Variants in GRID1 observed in about 807,000 individuals in gnomAD.
The protein encoded by GRID1 is glutamate ionotropic receptor delta type subunit 1.
In GRID1, 28 loss-of-function variants were observed where a neutral mutation model predicts 98.0. That is an observed-to-expected ratio of 0.29 (90% CI 0.21 to 0.39). The LOEUF is 0.39. GRID1 is among the 10% of genes least tolerant of loss of function. The pLI, the probability that GRID1 is intolerant of heterozygous loss-of-function variation, is 1.00. For missense variants in GRID1, 1,111 were observed against 1,340.5 expected, an observed-to-expected ratio of 0.83 and a Z score of 2.67; for synonymous variants, 553 against 538.5, an observed-to-expected ratio of 1.03 and a Z score of -0.37.
At position 85,778,495 on chromosome 10, in the gene GRID1, G is replaced by A. The variant is rs549906984; in HGVS notation, c.1234-48881C>T. ...TCCCTTTTCTGCTCATCATTATAGC[G>A]CCCCAGGATAGTGTGATAAGCAAAA... On this transcript the variant is annotated intron_variant, in intron 8 of 15. Transcript: ENST00000327946. 6.6e-5 allele frequency among the ~76,000 whole-genome samples: 10 copies of A among 152,234 alleles called. No individual in the cohort carries two copies. In the South Asian group the frequency reaches 1.7e-3, roughly 25 times the overall value.
chr10:85,816,554 CA>C (rs1479905749), intron 8 of GRID1, among the ~76,000 whole-genome samples: 1 of 152,098 alleles, frequency 6.6e-6, no homozygotes, highest in African/African-American at 2.4e-5. Flanking sequence ...AGAAGCCACA[CA>C]AGACAATTTT....
intron 4 of GRID1, among the ~76,000 whole-genome samples, chr10:86,017,795 G>A (rs1842998714): frequency 6.6e-6 from 1 of 152,212 alleles, no homozygotes; most frequent in East Asian, 1.9e-4. Flanking sequence ...AGCAGGTGTG[G>A]GGATTCCAAG....
intron 3 of GRID1, among the ~76,000 whole-genome samples, chr10:86,179,179 C>T (rs1175975620): frequency 6.7e-6 from 1 of 148,472 alleles, no homozygotes; most frequent in East Asian, 2.0e-4. Flanking sequence ...GCCCACAGCA[C>T]ACACATTCCC....
intron 4 of GRID1, among the ~76,000 whole-genome samples, chr10:85,991,937 T>C (rs1017323610): frequency 1.8e-4 from 27 of 152,000 alleles, no homozygotes; most frequent in African/African-American, 6.3e-4. Context: ...CAGGAGTGGA[T>C]AGGAAGAGAT....
intron 2 of GRID1, among the ~76,000 whole-genome samples, chr10:86,308,826 C>T (rs1253485097): frequency 5.9e-5 from 9 of 152,118 alleles, no homozygotes; most frequent in African/African-American, 1.2e-4. Context: ...ACGAGAGGGC[C>T]TACCTCACTT....
intron 2 of GRID1, among the ~76,000 whole-genome samples, chr10:86,323,918 C>T (rs1254371085): frequency 5.9e-5 from 9 of 152,192 alleles, no homozygotes; most frequent in African/African-American, 2.2e-4. Flanking sequence ...GTGGCTCACA[C>T]CTGTAATCCC....
chr10:86,224,445 T>G (rs1397576624), intron 2 of GRID1, among the ~76,000 whole-genome samples: 1 of 152,118 alleles, frequency 6.6e-6, no homozygotes, highest in Admixed American at 6.5e-5. Flanking sequence ...GTCCCAGGCA[T>G]GAGGATGCTG....
intron 2 of GRID1, among the ~76,000 whole-genome samples, chr10:86,211,592 G>C (rs1846108829): frequency 6.6e-6 from 1 of 152,114 alleles, no homozygotes; most frequent in Non-Finnish European, 1.5e-5. Flanking sequence ...ACCCATCCAG[G>C]CTTTTCCAGA....
chr10:85,915,954 T>A (rs1007139734), intron 5 of GRID1, among the ~76,000 whole-genome samples: 5 of 152,160 alleles, frequency 3.3e-5, no homozygotes, highest in Non-Finnish European at 7.3e-5. Context: ...GCCCTCTGAC[T>A]TTTGACTTCC....
intron 3 of GRID1, among the ~76,000 whole-genome samples, chr10:86,180,979 G>A (rs1436891677): frequency 6.6e-6 from 1 of 152,158 alleles, no homozygotes; most frequent in Non-Finnish European, 1.5e-5. Context: ...GCAAGTGAGG[G>A]TCCTCGCTTG....
At chr10:85,697,830 A>C (rs1841410524) in intron 12 of GRID1, among the ~76,000 whole-genome samples, 1 of 152,216 alleles carries the variant, frequency 6.6e-6, no homozygotes, top group Admixed American at 6.5e-5. Flanking sequence ...ATGTGGATTA[A>C]AAACACTTAG....
intron 5 of GRID1, among the ~76,000 whole-genome samples, chr10:85,896,931 T>A (rs1461714507): frequency 6.6e-6 from 1 of 152,180 alleles, no homozygotes; most frequent in East Asian, 1.9e-4. Flanking sequence ...GGAGAAGATT[T>A]GCATAAATTA....
chr10:86,026,451 G>A (rs1425386189), intron 4 of GRID1, among the ~76,000 whole-genome samples: 1 of 152,176 alleles, frequency 6.6e-6, no homozygotes, highest in Non-Finnish European at 1.5e-5. Context: ...AGTTTCAGAG[G>A]AACGGAGGAT....
At chr10:85,962,021 GA>G (rs1842274529) in intron 4 of GRID1, among the ~76,000 whole-genome samples, 1 of 152,172 alleles carries the variant, frequency 6.6e-6, no homozygotes, top group South Asian at 2.1e-4. Flanking sequence ...AGGAAGGAAG[GA>G]AAGAAGGAGG....
intron 12 of GRID1, among the ~76,000 whole-genome samples, chr10:85,675,016 T>G (rs1022456626): frequency 6.6e-6 from 1 of 152,174 alleles, no homozygotes. Context: ...ATCAATAGCT[T>G]CACAGCTGTT....
At chr10:85,994,556 G>C (rs1011219966) in intron 4 of GRID1, among the ~76,000 whole-genome samples, 2 of 152,206 alleles carry the variant, frequency 1.3e-5, no homozygotes, top group African/African-American at 2.4e-5. Context: ...GATGCTGGGA[G>C]GCCCTGAAAT....
At chr10:86,247,254 T>G (rs1402399573) in intron 2 of GRID1, among the ~76,000 whole-genome samples, 1 of 103,652 alleles carries the variant, frequency 9.6e-6, no homozygotes, top group Non-Finnish European at 2.2e-5. Flanking sequence ...GACAGATGGA[T>G]GGATAGATGG....
At chr10:85,694,649 C>T (rs1050000786) in intron 12 of GRID1, among the ~76,000 whole-genome samples, 44 of 141,964 alleles carry the variant, frequency 3.1e-4, no homozygotes, top group Admixed American at 2.6e-3. Context: ...ATATATTTTG[C>T]GGTAACACTG....
chr10:85,825,565 T>A (rs75138279), intron 8 of GRID1, among the ~76,000 whole-genome samples: 1 of 152,190 alleles, frequency 6.6e-6, no homozygotes, highest in Non-Finnish European at 1.5e-5. Flanking sequence ...ATACTGAAAC[T>A]TTTCAGTGTT....
Sources: gnomAD v4.1 joint callset for allele counts (sites outside exome capture counted in the v4.1 genomes callset) on GRCh38, gnomAD v4.1.1 for gene constraint, MANE v1.5 for transcripts, NCBI Gene and HGNC (gene_info 2026-07-23, HGNC 2026-07-21) for gene names.